TBC1D32: variants seen among roughly 807,000 people sequenced by gnomAD.
The protein encoded by TBC1D32 is protein broad-minded.
A neutral mutation model predicts 170.3 loss-of-function variants in TBC1D32; 151 were observed. The ratio of observed to expected loss-of-function variants is 0.89; its 90% confidence interval spans 0.78 to 1.01. The LOEUF (loss-of-function observed/expected upper bound fraction) is 1.01. Ranked by LOEUF, TBC1D32 falls within the 50% of genes least tolerant of loss-of-function variation. TBC1D32 has a pLI of 0.00. For missense variants in TBC1D32, 1,464 were observed against 1,457.1 expected (o/e 1.00, Z -0.08); for synonymous variants, 498 against 488.0 (o/e 1.02, Z -0.27).
chr6:121,223,251 G>T lies in TBC1D32; in HGVS notation c.2466C>A (p.Val822=). The change falls in exon 21 of 32, where the codon GTC becomes GTA. Residue 822 remains valine, a synonymous_variant. Coordinates refer to ENST00000398212, the MANE Select transcript of TBC1D32 (RefSeq NM_152730.6). The part of the protein sequence containing the change: ...PNKTEYSLRE[V]PTCVIDIIDR... ...AATGACTTACAATAACACATGTTGG[G>T]ACTTCACGAAGAGAATATTCTGTTT... is the stretch of plus-strand genomic sequence containing the variant. 2 of 1,559,046 alleles carry T rather than the reference G, an allele frequency of 1.3e-6. No individual in the cohort carries two copies. The highest frequency in any genetic ancestry group is 1.7e-6 in the Non-Finnish European group (2 of 1,152,514).
chr6:121,267,417 C>A (rs1356502992), intron 15 of TBC1D32, among the ~76,000 whole-genome samples: 1 of 152,102 alleles, frequency 6.6e-6, no homozygotes, highest in Non-Finnish European at 1.5e-5. Context: ...ACACTCCCAC[C>A]CAAATACTGC....
At chr6:121,320,230 G>GA (rs1430753968) in intron 2 of TBC1D32, among the ~76,000 whole-genome samples, 2,616 of 144,914 alleles carry the variant, frequency 0.018, 88 homozygotes, top group African/African-American at 0.064. Flanking sequence ...AAAAAAACTG[G>GA]GAAAAAAAAA....
chr6:121,170,598 TCTCA>T, intron 22 of TBC1D32: 1 of 1,179,102 alleles, frequency 8.5e-7, no homozygotes, highest in Non-Finnish European at 1.1e-6. Context: ...ATCCTTGATG[TCTCA>T]AAGTAATACC....
intron 3 of TBC1D32, among the ~76,000 whole-genome samples, chr6:121,312,332 C>T (rs1808333001): frequency 6.6e-6 from 1 of 152,178 alleles, no homozygotes; most frequent in Non-Finnish European, 1.5e-5. Context: ...GCACATTCTG[C>T]ACATGTATCC....
intron 22 of TBC1D32, chr6:121,170,443 A>T (rs761764443): frequency 2.1e-5 from 34 of 1,606,776 alleles, no homozygotes; most frequent in Middle Eastern, 1.7e-4. Flanking sequence ...TTTCTTCTTG[A>T]GCATTTAGTA....
intron 31 of TBC1D32, among the ~76,000 whole-genome samples, chr6:121,088,754 T>C (rs973508679): frequency 6.6e-6 from 1 of 152,202 alleles, no homozygotes; most frequent in Non-Finnish European, 1.5e-5. Context: ...AGGTTAGTTC[T>C]AGGACACACG....
chr6:121,136,645 G>T (rs1221412447), intron 24 of TBC1D32, among the ~76,000 whole-genome samples: 1 of 152,172 alleles, frequency 6.6e-6, no homozygotes, highest in Non-Finnish European at 1.5e-5. Flanking sequence ...ATGCAAGTGG[G>T]TGGAGAGAAG....
At chr6:121,179,609 T>C (rs1788249283) in intron 22 of TBC1D32, among the ~76,000 whole-genome samples, 1 of 152,214 alleles carries the variant, frequency 6.6e-6, no homozygotes, top group Non-Finnish European at 1.5e-5. Context: ...TCAAAGCACC[T>C]ACAGGATGAG....
intron 12 of TBC1D32, among the ~76,000 whole-genome samples, chr6:121,286,995 G>A (rs974854910): frequency 1.2e-4 from 19 of 152,126 alleles, no homozygotes; most frequent in African/African-American, 4.3e-4. Context: ...AAGAGCTCCT[G>A]AAGGAAGCAC....
intron 24 of TBC1D32, among the ~76,000 whole-genome samples, chr6:121,157,136 C>T (rs139958298): frequency 0.012 from 1,889 of 152,104 alleles, 38 homozygotes; most frequent in African/African-American, 0.043. Context: ...AATTTAGGGG[C>T]TATATAAGTC....
At chr6:121,290,961 T>G (rs574066048) in intron 12 of TBC1D32, among the ~76,000 whole-genome samples, 1,151 of 109,356 alleles carry the variant, frequency 0.011, 20 homozygotes, top group African/African-American at 0.039. Flanking sequence ...TGAGAACACA[T>G]GGACACAGGA....
In TBC1D32 at chr6:121,177,869, C is replaced by G. The variant is rs192789244; in HGVS notation, c.2571-16813G>C. On this transcript the variant is annotated intron_variant, in intron 22 of 31. Transcript: ENST00000398212. ...CCCAAGCATTTCAGATAAGGATACT[C>G]AACTTGCATTAGGAGATGAGGTCAA... 4.1e-3 allele frequency among the ~76,000 whole-genome samples: 623 copies of G among 152,220 alleles called. 4 individuals are homozygous for G. The highest frequency in any genetic ancestry group is 6.7e-3 in the Admixed American group (103 of 15,284).
At chr6:121,208,765 G>C (rs1402726974) in intron 21 of TBC1D32, among the ~76,000 whole-genome samples, 1 of 105,722 alleles carries the variant, frequency 9.5e-6, no homozygotes, top group African/African-American at 2.9e-5. Context: ...TAAACCAAAG[G>C]ATTCTTCCCT....
At chr6:121,285,854 TGCTGCTGATACCCAGGCAAA>T (rs1803729537) in intron 12 of TBC1D32, among the ~76,000 whole-genome samples, 2 of 152,204 alleles carry the variant, frequency 1.3e-5, no homozygotes. Context: ...CTGCAGCCTC[TGCTGCTGATACCCAGGCAAA>T]CAGGGTCTGG....
rs536287148 is a variant in TBC1D32 at position 121,190,572 on chromosome 6, AG to A, written c.2570+14502del. Among the ~76,000 whole-genome samples, 63 of 152,192 alleles carry A rather than the reference AG, an allele frequency of 4.1e-4. 4 individuals carry two copies. The South Asian group carries it at 0.013, about 31-fold the overall frequency. On this transcript the variant is annotated intron_variant, in intron 22 of 31. Coordinates refer to ENST00000398212, the MANE Select transcript of TBC1D32 (RefSeq NM_152730.6). ...TTAAATGCTTATTTGAACTATCTGG[AG>A]GAATAAAATAAACTGTAAGATGAGG...
Position 121,317,497 on chromosome 6 carries a change from G to C in TBC1D32, c.493C>G (p.Gln165Glu). ...NCSDSDSSLNQSYKFCQGKLQ... is the reference protein window; with the variant it reads ...NCSDSDSSLNESYKFCQGKLQ... ...AAATGCAAAACTGAACAACACACCT[G>C]ATTCAATGATGAATCACTATCAGAG... Residue 165 changes from glutamine (Q) to glutamate (E), a missense_variant and splice_region_variant, in exon 3 of 32, where the codon CAG becomes GAG. Gln to Glu is a conservative substitution (Grantham distance 29, BLOSUM62 2). This residue lies in a region of TBC1D32 where 1,363 missense variants were observed against 1,338.1 expected (regional missense o/e 1.02). Coordinates refer to ENST00000398212, the MANE Select transcript of TBC1D32 (RefSeq NM_152730.6). The C allele has an allele frequency of 1.3e-6, 2 of 1,591,298 alleles. No homozygotes were observed. Among genetic ancestry groups the C allele is most frequent in the Non-Finnish European group, 1.7e-6 (2 of 1,170,134 alleles).
At position 121,093,524 on chromosome 6, in the gene TBC1D32, A is replaced by T. The variant is rs78510329; in HGVS notation, c.3466-2483T>A. On this transcript the variant is annotated intron_variant, in intron 30 of 31. Coordinates refer to ENST00000398212, the MANE Select transcript of TBC1D32 (RefSeq NM_152730.6). ...TCGAGAATGAAAATAAATACAAACG[A>T]TCTCCACAGCTAGAGAAAACAGTTC... 1.2e-4 allele frequency among the ~76,000 whole-genome samples: 19 copies of T among 152,232 alleles called. No individual in the cohort carries two copies. In the East Asian group the frequency reaches 3.3e-3, roughly 26 times the overall value.
chr6:121,283,031 A>G (rs1431492763), intron 13 of TBC1D32, among the ~76,000 whole-genome samples: 1 of 151,860 alleles, frequency 6.6e-6, no homozygotes, highest in Non-Finnish European at 1.5e-5. Context: ...AATAATGGTG[A>G]GATTTGGGCT....
intron 17 of TBC1D32, among the ~76,000 whole-genome samples, chr6:121,246,352 T>G (rs1235377410): frequency 2.0e-5 from 3 of 151,980 alleles, no homozygotes; most frequent in Non-Finnish European, 4.4e-5. Flanking sequence ...ACAATACACA[T>G]TAAAGTCAGA....
Sources: gnomAD v4.1 joint callset for allele counts (sites outside exome capture counted in the v4.1 genomes callset) on GRCh38, gnomAD v4.1.1 for gene constraint, gnomAD v4.1.1 regional missense constraint, MANE v1.5 for transcripts, NCBI Gene and HGNC (gene_info 2026-07-23, HGNC 2026-07-21) for gene names.